Variants in USP15 observed in about 807,000 individuals in gnomAD.
The protein encoded by USP15 is ubiquitin carboxyl-terminal hydrolase 15.
A neutral mutation model predicts 127.1 loss-of-function variants in USP15; 18 were observed. The observed-to-expected ratio is 0.14, with a 90% CI of 0.10 to 0.21. The LOEUF is 0.21. Among genes scored for constraint, USP15 ranks in the 10% least tolerant of loss-of-function variants. USP15 has a pLI of 1.00. For missense variants in USP15, 805 were observed against 1,159.9 expected, an observed-to-expected ratio of 0.69 and a Z score of 4.44; for synonymous variants, 364 against 393.7, an observed-to-expected ratio of 0.92 and a Z score of 0.89.
intron 8 of USP15, among the ~76,000 whole-genome samples, chr12:62,356,209 C>G (rs962250843): frequency 1.3e-5 from 2 of 151,514 alleles, no homozygotes; most frequent in African/African-American, 4.8e-5. Context: ...ACCTTTTTTT[C>G]GTCAGTCTCT....
chr12:62,402,439 A>G (rs2137673446), intron 21 of USP15, among the ~76,000 whole-genome samples: 1 of 152,154 alleles, frequency 6.6e-6, no homozygotes, highest in Middle Eastern at 3.4e-3. Flanking sequence ...TTCTGTCTCA[A>G]CTCAGATTTG....
chr12:62,355,503 C>T (rs2066094397), intron 8 of USP15, 28 bp downstream of exon 8: 6 of 1,556,162 alleles, frequency 3.9e-6, no homozygotes, highest in Non-Finnish European at 5.2e-6. Flanking sequence ...AAATGAAACT[C>T]ATGTTTCATG....
At chr12:62,321,425 T>C in intron 4 of USP15, 39 bp from the exon 5 acceptor site, 2 of 1,313,872 alleles carry the variant, frequency 1.5e-6, no homozygotes, top group Non-Finnish European at 2.0e-6. Flanking sequence ...TATTTTGAAA[T>C]ACATACTATA....
chr12:62,288,880 G>A (rs895617667), intron 1 of USP15, among the ~76,000 whole-genome samples: 14 of 152,068 alleles, frequency 9.2e-5, no homozygotes, highest in Non-Finnish European at 1.2e-4. Context: ...TGTTTAGGTG[G>A]TGAATTGCAT....
chr12:62,282,292 T>A (rs991299351), intron 1 of USP15, among the ~76,000 whole-genome samples: 24 of 152,014 alleles, frequency 1.6e-4, no homozygotes, highest in Non-Finnish European at 3.4e-4. Context: ...CATGCCCCAC[T>A]GCACTCCAGC....
At chr12:62,289,697 T>TGTGTGTG (rs2063898374) in intron 1 of USP15, among the ~76,000 whole-genome samples, 1 of 135,430 alleles carries the variant, frequency 7.4e-6, no homozygotes, top group Non-Finnish European at 1.6e-5. Flanking sequence ...GGTTGTTAAT[T>TGTGTGTG]TGTGTGTGTG....
In USP15 at chr12:62,306,312, A is replaced by G. The variant is rs895028525; in HGVS notation, c.348+3392A>G. ...ATGGTACCTGTAAATAGGTGCTGAT[A>G]TGAAAACTTGAAATGTGGCGTGGCT... On this transcript the variant is annotated intron_variant, in intron 3 of 21. Coordinates refer to ENST00000280377, the MANE Select transcript of USP15 (RefSeq NM_001252078.2). Among the ~76,000 whole-genome samples the G allele has an allele frequency of 2.0e-5, 3 of 152,206 alleles. No individual in the cohort carries two copies. The East Asian group carries it at 5.8e-4, about 29-fold the overall frequency.
Position 62,270,797 on chromosome 12 carries a change from G to A in USP15, c.89+10294G>A, listed in dbSNP as rs997760788. ...CCAACAACTTTTCAAGTTTGTTTTG[G>A]CCCTCTTCTCTTATTAGTTTACACT... On this transcript the variant is annotated intron_variant, in intron 1 of 21. Transcript: ENST00000280377. Among the ~76,000 whole-genome samples the A allele has an allele frequency of 5.3e-5, 8 of 151,846 alleles. No homozygotes were observed. The East Asian group carries it at 1.2e-3, about 22-fold the overall frequency.
chr12:62,383,814 ATT>A, intron 9 of USP15, 24 bp from the exon 10 acceptor site: 5 of 1,605,854 alleles, frequency 3.1e-6, no homozygotes, highest in Non-Finnish European at 4.3e-6. Context: ...CCTAGAACTG[ATT>A]TGATGGTTTT....
At chr12:62,302,657 T>G in intron 2 of USP15, 133 bp from the exon 3 acceptor site, 7 of 883,864 alleles carry the variant, frequency 7.9e-6, no homozygotes, top group Non-Finnish European at 1.1e-5. Context: ...ACACCCCTGA[T>G]GTAAGGGAGC....
At chr12:62,295,836 C>T (rs1037169107) in intron 2 of USP15, among the ~76,000 whole-genome samples, 2 of 152,150 alleles carry the variant, frequency 1.3e-5, no homozygotes, top group African/African-American at 4.8e-5. Context: ...CAAGACTAAC[C>T]CCCAGTGATC....
intron 1 of USP15, among the ~76,000 whole-genome samples, chr12:62,261,059 C>T (rs1341775826): frequency 1.3e-5 from 2 of 152,100 alleles, no homozygotes; most frequent in African/African-American, 4.8e-5. Context: ...CCCTAGTTTC[C>T]AGTTCCTTGT....
chr12:62,390,652 A>T (rs1025601366), intron 14 of USP15, among the ~76,000 whole-genome samples: 2 of 152,132 alleles, frequency 1.3e-5, no homozygotes, highest in African/African-American at 4.8e-5. Context: ...TTTAACCTAA[A>T]AGGTAACATA....
intron 6 of USP15, chr12:62,335,116 G>A: frequency 6.6e-7 from 1 of 1,521,168 alleles, no homozygotes; most frequent in Non-Finnish European, 8.8e-7. Context: ...GTGGTTTGAT[G>A]TCTAGTTAAT....
Position 62,389,820 on chromosome 12 carries a change from C to G in USP15, c.1676C>G (p.Thr559Arg). Reference sequence around the variant, plus strand: ...AGGTTTGAAATTAACATCAATAGGACAGAAGATACAGAGCACGTGATTATT... The same window carrying G: ...AGGTTTGAAATTAACATCAATAGGAGAGAAGATACAGAGCACGTGATTATT... ...IYVFEININRTEDTEHVIIPV... is the reference protein window; with the variant it reads ...IYVFEININRREDTEHVIIPV... The change falls in exon 14 of 22, where the codon ACA becomes AGA. Residue 559 changes from threonine to arginine, a missense_variant. Thr to Arg is a moderately conservative substitution (Grantham distance 71). This residue lies in a region of USP15 where 82 missense variants were observed against 104.4 expected (regional missense o/e 0.79). Coordinates refer to ENST00000280377, the MANE Select transcript of USP15 (RefSeq NM_001252078.2). 9 of 1,612,866 alleles carry G rather than the reference C, an allele frequency of 5.6e-6. No homozygotes were observed. Among genetic ancestry groups the G allele is most frequent in the Non-Finnish European group, 7.6e-6 (9 of 1,179,412 alleles).
At chr12:62,312,866 T>G (rs1331568889) in intron 3 of USP15, among the ~76,000 whole-genome samples, 1 of 151,624 alleles carries the variant, frequency 6.6e-6, no homozygotes, top group Non-Finnish European at 1.5e-5. Flanking sequence ...TGAAGGAGAT[T>G]ATATAAGCAA....
intron 20 of USP15, among the ~76,000 whole-genome samples, chr12:62,398,609 C>T (rs1047716990): frequency 6.6e-6 from 1 of 152,170 alleles, no homozygotes; most frequent in Non-Finnish European, 1.5e-5. Context: ...TTTGTCACTT[C>T]ATTCTTACCT....
At chr12:62,383,718 CA>C in intron 9 of USP15, 121 bp from the exon 10 acceptor site, 1 of 1,200,398 alleles carries the variant, frequency 8.3e-7, no homozygotes, top group East Asian at 2.5e-5. Flanking sequence ...GTTACAAATA[CA>C]TTTTAGAAAG....
chr12:62,342,279 G>A (rs901713734), intron 6 of USP15, among the ~76,000 whole-genome samples: 1 of 151,928 alleles, frequency 6.6e-6, no homozygotes, highest in Non-Finnish European at 1.5e-5. Flanking sequence ...TATGTTCCTC[G>A]CTAAACTGGT....
Sources: gnomAD v4.1 joint callset for allele counts (sites outside exome capture counted in the v4.1 genomes callset) on GRCh38, gnomAD v4.1.1 for gene constraint, gnomAD v4.1.1 regional missense constraint, MANE v1.5 for transcripts, NCBI Gene and HGNC (gene_info 2026-07-23, HGNC 2026-07-21) for gene names.